The following NIPAL3 variants were observed in gnomAD, a reference collection of about 807,000 sequenced individuals.
NIPAL3 encodes NIPA-like protein 3.
A neutral mutation model predicts 47.2 loss-of-function variants in NIPAL3; 41 were observed. The observed-to-expected ratio is 0.87, with a 90% confidence interval of 0.68 to 1.13. The LOEUF is 1.13. Among genes scored for constraint, NIPAL3 ranks in the 50% most tolerant of loss-of-function variants. The pLI is 0.00. For missense variants in NIPAL3, 449 were observed against 530.1 expected, an observed-to-expected ratio of 0.85 and a Z score of 1.50; for synonymous variants, 194 against 209.6, an observed-to-expected ratio of 0.93 and a Z score of 0.64.
At chr1:24,468,774 C>T (rs917831059) in intron 11 of NIPAL3, among the ~76,000 whole-genome samples, 2 of 152,176 alleles carry the variant, frequency 1.3e-5, no homozygotes, top group Admixed American at 6.5e-5. Context: ...GTGCATATTT[C>T]CTGAAGATTC....
Position 24,469,240 on chromosome 1 carries a change from C to A in NIPAL3, c.*55C>A. 2 of 1,468,668 alleles carry A rather than the reference C, an allele frequency of 1.4e-6. No homozygotes were observed. Among genetic ancestry groups the A allele is most frequent in the East Asian group, 2.3e-5 (1 of 42,704 alleles). 91.0% of individuals were successfully genotyped at this position (1,468,668 alleles called of 1,614,324 possible). A position where few individuals can be genotyped will look rare whatever the true frequency, so the allele number is the denominator to read the frequency against. On this transcript the variant is annotated 3_prime_UTR_variant, in exon 12 of 12. Coordinates refer to ENST00000374399, the MANE Select transcript of NIPAL3 (RefSeq NM_020448.5). ...CCTCCAGGCTGACAGTGGTTCAACCCTGAATCCTAAAACTTGCCTTTCAAG... is the reference window on the plus strand; with the variant it reads ...CCTCCAGGCTGACAGTGGTTCAACCATGAATCCTAAAACTTGCCTTTCAAG...
At chr1:24,455,640 G>A (rs1041582052) in intron 7 of NIPAL3, among the ~76,000 whole-genome samples, 3 of 151,868 alleles carry the variant, frequency 2.0e-5, no homozygotes, top group African/African-American at 7.3e-5. Context: ...GCAATATAGC[G>A]AGACCCTGTT....
chr1:24,427,450 A>G (rs1235773078), intron 2 of NIPAL3, among the ~76,000 whole-genome samples: 1 of 152,208 alleles, frequency 6.6e-6, no homozygotes, highest in Non-Finnish European at 1.5e-5. Flanking sequence ...ATTGCTAATC[A>G]TGTCTGTCTG....
intron 2 of NIPAL3, among the ~76,000 whole-genome samples, chr1:24,431,414 A>G (rs1401550871): frequency 6.6e-6 from 1 of 152,228 alleles, no homozygotes; most frequent in Non-Finnish European, 1.5e-5. Context: ...ACATGAAGAT[A>G]GGTGATCAAG....
intron 8 of NIPAL3, chr1:24,457,936 G>A (rs978234056): frequency 2.3e-6 from 1 of 437,192 alleles, no homozygotes; most frequent in Admixed American, 2.5e-5. Flanking sequence ...GGAAGCCCCT[G>A]CCAGTCAAAG....
At position 24,464,094 on chromosome 1, in the gene NIPAL3, C is replaced by A. The variant is rs745474040; in HGVS notation, c.995C>A (p.Pro332His). 5 of 1,613,202 alleles carry A rather than the reference C, an allele frequency of 3.1e-6. No individual in the cohort carries two copies. The African/African-American group carries it at 5.3e-5, about 17-fold the overall frequency. The change falls in exon 11 of 12, where the codon CCC becomes CAC. Residue 332 changes from proline to histidine, a missense_variant. Pro to His is a moderately conservative substitution (Grantham distance 77). Coordinates refer to ENST00000374399, the MANE Select transcript of NIPAL3 (RefSeq NM_020448.5). The part of the protein sequence containing the change: ...RNRKKPIPFE[P>H]YISMDAMPGM... The stretch of plus-strand genomic sequence containing the variant: ...AGGAAGAAGCCCATTCCATTTGAGC[C>A]CTATATTTCCATGGATGCCATGCCA...
At position 24,469,414 on chromosome 1, in the gene NIPAL3, C is replaced by A; in HGVS notation, c.*229C>A. ...TTATTCCAGGTGGACGGGATAGAATCCAGCCTCTGCCTGGATTAGCCCAGG... is the reference window on the plus strand; with the variant it reads ...TTATTCCAGGTGGACGGGATAGAATACAGCCTCTGCCTGGATTAGCCCAGG... On this transcript the variant is annotated 3_prime_UTR_variant, in exon 12 of 12. Coordinates refer to ENST00000374399, the MANE Select transcript of NIPAL3 (RefSeq NM_020448.5). 1 of 500,586 alleles carries A rather than the reference C, an allele frequency of 2.0e-6. No homozygotes were observed. The highest frequency in any genetic ancestry group is 3.0e-5 in the South Asian group (1 of 33,252). 31.0% of individuals were successfully genotyped at this position (500,586 alleles called of 1,614,324 possible). A position where few individuals can be genotyped will look rare whatever the true frequency, so the allele number is the denominator to read the frequency against.
intron 2 of NIPAL3, chr1:24,421,757 A>T (rs763662147): frequency 1.3e-5 from 2 of 152,220 alleles, no homozygotes. Context: ...AATGACCCAC[A>T]CATAATGGCC....
rs1043804269 is a variant in NIPAL3 at position 24,418,181 on chromosome 1, G to A, written c.-257-1110G>A. On this transcript the variant is annotated intron_variant, in intron 1 of 11. Transcript: ENST00000374399. ...ACAGGTAGCACATGGCACATCAAAA[G>A]CAATTTAAAACATTTTTCTATTAAA... 4.6e-5 allele frequency among the ~76,000 whole-genome samples: 7 copies of A among 152,184 alleles called. No individual in the cohort carries two copies. In the East Asian group the frequency reaches 1.4e-3, roughly 29 times the overall value.
rs1164281250 is a variant in NIPAL3, at chr1:24,440,129, C to T, written c.94-43C>T. The T allele has an allele frequency of 2.0e-6, 3 of 1,479,550 alleles. No homozygotes were observed. In the South Asian group the frequency reaches 4.1e-5, roughly 20 times the overall value. 91.7% of individuals were successfully genotyped at this position (1,479,550 alleles called of 1,614,324 possible). On this transcript the variant is annotated intron_variant, in intron 2 of 11. Coordinates refer to ENST00000374399, the MANE Select transcript of NIPAL3 (RefSeq NM_020448.5). ...TCAGAAGTGTCCTGGGGCCCCCTGGCTTGTGCCCAAATCATGTCCACTCCT... is the reference window on the plus strand; with the variant it reads ...TCAGAAGTGTCCTGGGGCCCCCTGGTTTGTGCCCAAATCATGTCCACTCCT...
At chr1:24,425,283 T>C (rs9645289) in intron 2 of NIPAL3, among the ~76,000 whole-genome samples, 35,319 of 152,100 alleles carry the variant, frequency 0.23, 4,646 homozygotes, top group East Asian at 0.45. Context: ...CACAAATTTA[T>C]AAACTTTCTT....
chr1:24,416,188 G>C lies in NIPAL3; in HGVS notation c.-258+284G>C, dbSNP rs538446158. On this transcript the variant is annotated intron_variant, in intron 1 of 11. Transcript: ENST00000374399. The surrounding 1 kb of genome is among the most constrained non-coding windows in gnomAD (Gnocchi z 4.8). ...TGCCAGAATTTCTCCTCTTCGTGCCGAGCGGCTCGGGCTTCCTGGCGGCAG... is the reference window on the plus strand; with the variant it reads ...TGCCAGAATTTCTCCTCTTCGTGCCCAGCGGCTCGGGCTTCCTGGCGGCAG... The C allele has an allele frequency of 5.1e-5, 50 of 985,692 alleles. 2 individuals carry two copies. The East Asian group carries it at 3.5e-3, about 69-fold the overall frequency. The allele number at this position is 985,692 out of a possible 1,614,324, so 61.1% of individuals were successfully genotyped here.
At chr1:24,459,603 G>A (rs927146988) in intron 9 of NIPAL3, among the ~76,000 whole-genome samples, 2 of 152,224 alleles carry the variant, frequency 1.3e-5, no homozygotes, top group Admixed American at 1.3e-4. Context: ...TTTGGTGAAA[G>A]CCTGGCTGTA....
chr1:24,465,167 TGGG>T (rs1457077709), intron 11 of NIPAL3: 2 of 152,234 alleles, frequency 1.3e-5, no homozygotes, highest in African/African-American at 4.8e-5. Context: ...AGCTCTGAGT[TGGG>T]GGCCTAAGAT....
chr1:24,455,129 G>A (rs887538666), intron 7 of NIPAL3, among the ~76,000 whole-genome samples: 7 of 152,202 alleles, frequency 4.6e-5, no homozygotes, highest in African/African-American at 7.2e-5. Context: ...AGGAGAAAGC[G>A]AAATAAACCA....
intron 4 of NIPAL3, among the ~76,000 whole-genome samples, chr1:24,444,963 A>G (rs1645586333): frequency 6.6e-6 from 1 of 152,204 alleles, no homozygotes; most frequent in Non-Finnish European, 1.5e-5. Context: ...GCAGGTACTC[A>G]ATGCTTCTAG....
At chr1:24,445,550 G>A (rs922769929) in intron 5 of NIPAL3, among the ~76,000 whole-genome samples, 20 of 152,214 alleles carry the variant, frequency 1.3e-4, no homozygotes, top group African/African-American at 3.4e-4. Context: ...CCCTGACTGA[G>A]TTCTAAAGCA....
chr1:24,458,569 TG>T (rs1291858192), intron 8 of NIPAL3, among the ~76,000 whole-genome samples: 2 of 144,710 alleles, frequency 1.4e-5, no homozygotes. Context: ...TTTAGTGGGG[TG>T]GGGATACGGG....
At chr1:24,422,461 C>T (rs892847837) in intron 2 of NIPAL3, among the ~76,000 whole-genome samples, 1 of 152,068 alleles carries the variant, frequency 6.6e-6, no homozygotes, top group Non-Finnish European at 1.5e-5. Flanking sequence ...CCTGAAATAC[C>T]TGGGGAGCTC....
Sources: allele counts gnomAD v4.1 joint callset (sites outside exome capture counted in the v4.1 genomes callset), GRCh38; gene constraint gnomAD v4.1.1; non-coding constraint Gnocchi (gnomAD v3.1); transcripts MANE v1.5; gene names NCBI Gene and HGNC (gene_info 2026-07-23, HGNC 2026-07-21).